MTA3: variants seen among roughly 807,000 people sequenced by gnomAD.
MTA3 encodes metastasis associated 1 family member 3, also known as metastasis-associated protein MTA3.
MTA3 carries 34 observed loss-of-function variants against 83.5 expected under a neutral mutation model. The ratio of observed to expected loss-of-function variants is 0.41; its 90% confidence interval spans 0.31 to 0.54. The LOEUF (loss-of-function observed/expected upper bound fraction) is 0.54. MTA3 is among the 20% of genes least tolerant of loss of function. The pLI is 0.33. For missense variants in MTA3, 761 were observed against 726.4 expected (o/e 1.05, Z -0.55); for synonymous variants, 303 against 252.7 (o/e 1.20, Z -1.89).
intron 8 of MTA3, among the ~76,000 whole-genome samples, chr2:42,667,621 A>AGAG (rs1690385863): frequency 3.0e-4 from 34 of 114,142 alleles, no homozygotes; most frequent in African/African-American, 3.2e-4. Context: ...TAGAGAGAGA[A>AGAG]AGAGAGAGAG....
At chr2:42,671,042 G>A (rs1185831053) in intron 8 of MTA3, among the ~76,000 whole-genome samples, 1 of 151,868 alleles carries the variant, frequency 6.6e-6, no homozygotes, top group African/African-American at 2.4e-5. Context: ...TTTAGTTGTT[G>A]TATCTTCATA....
At chr2:42,721,537 C>G (rs972366305) in intron 15 of MTA3, among the ~76,000 whole-genome samples, 6 of 152,022 alleles carry the variant, frequency 3.9e-5, no homozygotes, top group African/African-American at 1.2e-4. Context: ...CCATGTTGCT[C>G]AGGCTGGTCT....
At chr2:42,525,506 C>CCTTCCCCTTCCTTTCTT (rs1491295897) in intron 2 of MTA3, among the ~76,000 whole-genome samples, 1 of 71,734 alleles carries the variant, frequency 1.4e-5, no homozygotes. Context: ...TTCCTTCCTT[C>CCTTCCCCTTCCTTTCTT]CCCTTCCTTT....
chr2:42,754,687 CTG>C lies in MTA3; in HGVS notation c.*1289_*1290del. 1.0e-5 allele frequency: 10 copies of C among 985,522 alleles called. No individual in the cohort carries two copies. The highest frequency in any genetic ancestry group is 1.2e-5 in the Non-Finnish European group (10 of 829,978). 61.0% of individuals were successfully genotyped at this position (985,522 alleles called of 1,614,324 possible). A position where few individuals can be genotyped will look rare whatever the true frequency, so the allele number is the denominator to read the frequency against. The stretch of plus-strand genomic sequence containing the variant: ...CTGGAGTCTGATCTCCCAGCCATCT[CTG>C]GGGTTACTAGGAGGCAGCTGGATGG... On this transcript the variant is annotated 3_prime_UTR_variant, in exon 17 of 17. Coordinates refer to ENST00000405094, the MANE Select transcript of MTA3 (RefSeq NM_001330442.2).
At chr2:42,711,798 G>T (rs1341231520) in intron 14 of MTA3, among the ~76,000 whole-genome samples, 1 of 151,758 alleles carries the variant, frequency 6.6e-6, no homozygotes, top group Admixed American at 6.6e-5. Context: ...GTGTGTGTGT[G>T]TGTGTGTGTG....
intron 4 of MTA3, among the ~76,000 whole-genome samples, chr2:42,621,969 C>G (rs1685606044): frequency 6.6e-6 from 1 of 151,282 alleles, no homozygotes; most frequent in African/African-American, 2.4e-5. Flanking sequence ...GATGGGCGGC[C>G]AGGCAGAGAC....
chr2:42,607,209 C>T (rs1040061451), intron 3 of MTA3, among the ~76,000 whole-genome samples: 2 of 152,020 alleles, frequency 1.3e-5, no homozygotes, highest in African/African-American at 2.4e-5. Context: ...AGTGACCTGT[C>T]ATTGTTCTCA....
intron 2 of MTA3, among the ~76,000 whole-genome samples, chr2:42,528,213 C>T (rs1217438309): frequency 7.0e-6 from 1 of 141,912 alleles, no homozygotes; most frequent in African/African-American, 2.7e-5. Flanking sequence ...ATGTGAGCCA[C>T]CGTGCCCGGC....
At chr2:42,704,120 A>G in intron 11 of MTA3, 74 bp from the exon 12 acceptor site, 1 of 1,460,184 alleles carries the variant, frequency 6.8e-7, no homozygotes. Flanking sequence ...AGTGACGGTA[A>G]ATCAGTAATG....
chr2:42,653,422 A>G (rs903053502), intron 6 of MTA3, among the ~76,000 whole-genome samples: 1 of 152,222 alleles, frequency 6.6e-6, no homozygotes, highest in Admixed American at 6.5e-5. Flanking sequence ...AGCTGAAAAA[A>G]ACTTAATTAT....
intron 3 of MTA3, among the ~76,000 whole-genome samples, chr2:42,599,671 A>T (rs1682307622): frequency 1.3e-5 from 2 of 152,182 alleles, no homozygotes; most frequent in Admixed American, 6.6e-5. Context: ...CATGGTAGAA[A>T]ATTATTCAAG....
At chr2:42,509,578 T>C (rs540529647) in intron 2 of MTA3, among the ~76,000 whole-genome samples, 27 of 152,112 alleles carry the variant, frequency 1.8e-4, no homozygotes, top group Admixed American at 8.5e-4. Context: ...GAGACCAGTA[T>C]GGGCAACATG....
chr2:42,569,063 G>A (rs1188021548), intron 1 of MTA3, among the ~76,000 whole-genome samples: 1 of 152,094 alleles, frequency 6.6e-6, no homozygotes, highest in Non-Finnish European at 1.5e-5. Flanking sequence ...CCCCCTCCAC[G>A]AAACCCTCAT....
chr2:42,743,841 C>G (rs1669214237), intron 16 of MTA3, among the ~76,000 whole-genome samples: 1 of 151,608 alleles, frequency 6.6e-6, no homozygotes, highest in Non-Finnish European at 1.5e-5. Flanking sequence ...TCACGAATTC[C>G]AAAAAAAATA....
At chr2:42,503,890 C>G (rs1674507437) in intron 2 of MTA3, among the ~76,000 whole-genome samples, 1 of 149,810 alleles carries the variant, frequency 6.7e-6, no homozygotes, top group African/African-American at 2.5e-5. Context: ...ACAAACTGCC[C>G]TCAGACCCAT....
intron 2 of MTA3, among the ~76,000 whole-genome samples, chr2:42,513,689 A>G (rs1039435416): frequency 1.3e-5 from 2 of 152,208 alleles, no homozygotes; most frequent in Admixed American, 6.5e-5. Flanking sequence ...ACATTTGGAA[A>G]ACTAGACCCA....
At chr2:42,752,155 A>G (rs989836616) in intron 16 of MTA3, 2 of 470,752 alleles carry the variant, frequency 4.2e-6, no homozygotes, top group African/African-American at 4.0e-5. Context: ...AACTGAATTT[A>G]TCTGGGCCTT....
At chr2:42,544,399 T>C (rs1305315985) in intron 2 of MTA3, among the ~76,000 whole-genome samples, 5 of 151,674 alleles carry the variant, frequency 3.3e-5, no homozygotes, top group Non-Finnish European at 7.4e-5. Context: ...TGAGCCAAGA[T>C]TGCGCCACTG....
intron 7 of MTA3, among the ~76,000 whole-genome samples, chr2:42,658,071 C>CAAAAAAAAAAAAAAAAAAA (rs59628946): frequency 1.9e-5 from 1 of 51,916 alleles, no homozygotes; most frequent in Non-Finnish European, 3.3e-5. Context: ...GACTCTGTCT[C>CAAAAAAAAAAAAAAAAAAA]AAAAAAAAAA....
Sources: gnomAD v4.1 joint callset for allele counts (sites outside exome capture counted in the v4.1 genomes callset) on GRCh38, gnomAD v4.1.1 for gene constraint, MANE v1.5 for transcripts, NCBI Gene and HGNC (gene_info 2026-07-23, HGNC 2026-07-21) for gene names.